RBCK1: variants seen among roughly 807,000 people sequenced by gnomAD.
RBCK1 encodes the protein RANBP2-type and C3HC4-type zinc finger containing 1.
In RBCK1, 44 loss-of-function variants were observed where a neutral mutation model predicts 71.1. That is an observed-to-expected ratio of 0.62 (90% CI 0.49 to 0.80). The LOEUF is 0.80. Among genes scored for constraint, RBCK1 ranks in the 30% least tolerant of loss-of-function variants. The probability of loss-of-function intolerance (pLI) is 0.00; values close to 1 mark genes in which losing one functional copy is unlikely to be tolerated. For synonymous variants in RBCK1, 306 were observed against 279.7 expected (o/e 1.09, Z -0.94); for missense variants, 569 against 685.0 (o/e 0.83, Z 1.89).
chr20:420,873 G>A lies in RBCK1; in HGVS notation c.759G>A (p.Arg253=), dbSNP rs1212447871. 3 of 1,551,120 alleles carry A rather than the reference G, an allele frequency of 1.9e-6. No individual in the cohort carries two copies. Among genetic ancestry groups the A allele is most frequent in the Non-Finnish European group, 2.6e-6 (3 of 1,150,040 alleles). The change falls in exon 7 of 12, where the codon CGG becomes CGA. Residue 253 remains arginine, a splice_region_variant and synonymous_variant. Transcript: ENST00000356286. ...EEEALRQYQQ[R]KQQQQEGNYL... is the part of the protein sequence containing the mutation. ...GTGGCCCCGCCCCGTGTGCCCAGCG[G>A]AAGCAGCAGCAGCAGGAGGGGAACT... is the stretch of plus-strand genomic sequence containing the variant.
intron 6 of RBCK1, chr20:420,194 G>A: frequency 1.0e-6 from 1 of 985,094 alleles, no homozygotes; most frequent in Non-Finnish European, 1.2e-6. Flanking sequence ...TCTCGGGCTG[G>A]GCCCACCCCT....
Position 419,684 on chromosome 20 carries a change from C to A in RBCK1, c.709C>A (p.Arg237=), listed in dbSNP as rs762315366. 1 of 1,577,582 alleles carries A rather than the reference C, an allele frequency of 6.3e-7. No individual in the cohort carries two copies. The highest frequency in any genetic ancestry group is 1.7e-4 in the Middle Eastern group (1 of 6,000). The part of the protein sequence containing the change: ...PASYQPDEEE[R]ARLAGEEEAL... ...CTCATACCAGCCCGACGAGGAGGAG[C>A]GAGCGCGCCTGGCGGGCGAGGAGGA... is the stretch of plus-strand genomic sequence containing the variant. Residue 237 remains arginine, a synonymous_variant, in exon 6 of 12, where the codon CGA becomes AGA. Coordinates refer to ENST00000356286, the MANE Select transcript of RBCK1 (RefSeq NM_031229.4).
In RBCK1 at chr20:429,052, C is replaced by T. The variant is rs369912362; in HGVS notation, c.1410C>T (p.Thr470=). Reference sequence around the variant, plus strand: ...GGATCCGCTGCACCGTCTGCCACACCGAGATCTGCTGGGTCACCAAGGGCC... The same window carrying T: ...GGATCCGCTGCACCGTCTGCCACACTGAGATCTGCTGGGTCACCAAGGGCC... ...CDWIRCTVCH[T]EICWVTKGPR... is the part of the protein sequence containing the mutation. Residue 470 remains threonine (T), a synonymous_variant, in exon 11 of 12, where the codon ACC becomes ACT. Coordinates refer to ENST00000356286, the MANE Select transcript of RBCK1 (RefSeq NM_031229.4). 3.1e-6 allele frequency: 5 copies of T among 1,612,922 alleles called. No individual in the cohort carries two copies. The African/African-American group carries it at 5.3e-5, about 17-fold the overall frequency.
chr20:416,824 C>A (rs1214504957), intron 2 of RBCK1, among the ~76,000 whole-genome samples: 1 of 152,120 alleles, frequency 6.6e-6, no homozygotes, highest in East Asian at 1.9e-4. Context: ...TAGTGAGACC[C>A]TGTCTCTACA....
chr20:429,173 C>T (rs2122339939), intron 11 of RBCK1, 79 bp downstream of exon 11: 3 of 1,516,910 alleles, frequency 2.0e-6, no homozygotes, highest in Non-Finnish European at 8.8e-7. Context: ...AAACTACAGC[C>T]CATGGGCCAT....
chr20:420,146 G>T lies in RBCK1; in HGVS notation c.756+415G>T, dbSNP rs182122386. Reference sequence around the variant, plus strand: ...ACCTAAGCCTGCTCCACCTCGCCGTGACCTCACCCTGGACTCTCCTACTCC... The same window carrying T: ...ACCTAAGCCTGCTCCACCTCGCCGTTACCTCACCCTGGACTCTCCTACTCC... On this transcript the variant is annotated intron_variant, in intron 6 of 11. Transcript: ENST00000356286. 1.2e-3 allele frequency: 1,135 copies of T among 984,988 alleles called. 12 individuals are homozygous for T. In the South Asian group the frequency reaches 0.02, roughly 18 times the overall value. 61.0% of individuals were successfully genotyped at this position (984,988 alleles called of 1,614,324 possible).
intron 2 of RBCK1, among the ~76,000 whole-genome samples, chr20:414,756 T>C (rs2015895454): frequency 6.6e-6 from 1 of 152,242 alleles, no homozygotes. Context: ...TGAAACCATA[T>C]GCACTTTTAT....
At position 419,597 on chromosome 20, in the gene RBCK1, C is replaced by G; in HGVS notation, c.622C>G (p.Pro208Ala). ...CCCCGGGTGCACCTTCATCAACAAG[C>G]CCACGCGGCCTGGCTGTGAGATGTG... ...QCPGCTFINK[P>A]TRPGCEMCCR... is the part of the protein sequence containing the mutation. Residue 208 changes from proline to alanine, a missense_variant, in exon 6 of 12, where the codon CCC (proline) becomes GCC (alanine). Pro to Ala is a conservative substitution (Grantham distance 27). This residue lies in a region of RBCK1 where 358 missense variants were observed against 375.6 expected (regional missense o/e 0.95). Transcript: ENST00000356286. 1 of 1,601,308 alleles carries G rather than the reference C, an allele frequency of 6.2e-7. No homozygotes were observed. Among genetic ancestry groups the G allele is most frequent in the Non-Finnish European group, 8.5e-7 (1 of 1,174,674 alleles).
intron 2 of RBCK1, among the ~76,000 whole-genome samples, chr20:416,392 C>T (rs2015996206): frequency 6.6e-6 from 1 of 151,942 alleles, no homozygotes; most frequent in Non-Finnish European, 1.5e-5. Flanking sequence ...GATCTCCTGA[C>T]CTCGTGATCC....
intron 9 of RBCK1, among the ~76,000 whole-genome samples, chr20:427,960 C>T (rs2016822166): frequency 6.6e-6 from 1 of 152,172 alleles, no homozygotes; most frequent in Non-Finnish European, 1.5e-5. Context: ...TACCACGTCT[C>T]CACCCGTGTC....
In RBCK1 at chr20:425,063, T is replaced by C. The variant is rs1430052766; in HGVS notation, c.1030-2250T>C. Among the ~76,000 whole-genome samples, 3 of 151,916 alleles carry C rather than the reference T, an allele frequency of 2.0e-5. No individual in the cohort carries two copies. In the East Asian group the frequency reaches 5.8e-4, roughly 29 times the overall value. On this transcript the variant is annotated intron_variant, in intron 8 of 11. Transcript: ENST00000356286. The stretch of plus-strand genomic sequence containing the variant: ...TCTCACTCTGTCATCCAGGCTGGAG[T>C]GCAATGGCGCGATCTCAGCCCACTG...
intron 2 of RBCK1, 134 bp downstream of exon 2, chr20:410,159 A>G (rs1034845505): frequency 1.5e-5 from 15 of 999,906 alleles, no homozygotes; most frequent in Admixed American, 1.1e-4. Context: ...TCATTAATCA[A>G]CTGTGAAATA....
chr20:409,917 C>T lies in RBCK1; in HGVS notation c.59C>T (p.Ala20Val), dbSNP rs780587700. ...GCCCTGAGCCTCACCCGAGCAGTGG[C>T]GGGCGGGGATGAACAGGTGGCAATG... ...EMALSLTRAVAGGDEQVAMKC... is the reference protein window; with the variant it reads ...EMALSLTRAVVGGDEQVAMKC... Residue 20 changes from alanine (A) to valine (V), a missense_variant, in exon 2 of 12, where the codon GCG (alanine) becomes GTG (valine). Ala to Val is a moderately conservative substitution (Grantham distance 64). Coordinates refer to ENST00000356286, the MANE Select transcript of RBCK1 (RefSeq NM_031229.4). The T allele has an allele frequency of 3.7e-5, 59 of 1,613,784 alleles. No individual in the cohort carries two copies. Among genetic ancestry groups the T allele is most frequent in the Non-Finnish European group, 4.3e-5 (51 of 1,179,960 alleles).
chr20:410,123 A>C lies in RBCK1; in HGVS notation c.167+98A>C. On this transcript the variant is annotated intron_variant, in intron 2 of 11. Transcript: ENST00000356286. ...CCTAATGGCACGTTCTGGCTTCAGG[A>C]GGCCTGGCTTCTAACCCTAGTTATG... is the stretch of plus-strand genomic sequence containing the variant. 4.3e-6 allele frequency: 6 copies of C among 1,385,574 alleles called. No homozygotes were observed. The South Asian group carries it at 5.6e-5, about 13-fold the overall frequency. The allele number at this position is 1,385,574 out of a possible 1,614,324, so 85.8% of individuals were successfully genotyped here.
In RBCK1 at chr20:421,027, T is replaced by C. The variant is rs1288748870; in HGVS notation, c.913T>C (p.Cys305Arg). Reference protein sequence around the residue: ...VVLRECLHTFCRECLQGTIRN... With the variant: ...VVLRECLHTFRRECLQGTIRN... ...GCTGCGTGAGTGTCTGCACACCTTC[T>C]GCAGGTGCGGCCCCCAGTCCCACCC... Residue 305 changes from cysteine to arginine, a missense_variant, in exon 7 of 12, where the codon TGC (cysteine) becomes CGC (arginine). This residue lies in a region of RBCK1 where 211 missense variants were observed against 309.4 expected (regional missense o/e 0.68). Transcript: ENST00000356286. 6.4e-7 allele frequency: 1 copy of C among 1,552,298 alleles called. No individual in the cohort carries two copies. Among genetic ancestry groups the C allele is most frequent in the Admixed American group, 1.9e-5 (1 of 53,570 alleles).
chr20:429,695 A>C (rs1045153967), intron 11 of RBCK1, among the ~76,000 whole-genome samples: 5 of 152,254 alleles, frequency 3.3e-5, no homozygotes, highest in African/African-American at 1.2e-4. Flanking sequence ...CTACAGAGGC[A>C]GAGGCCGTAT....
Position 428,411 on chromosome 20 carries a change from C to T in RBCK1, c.1210-80C>T. On this transcript the variant is annotated intron_variant, in intron 9 of 11. Coordinates refer to ENST00000356286, the MANE Select transcript of RBCK1 (RefSeq NM_031229.4). This position sits in a 1 kb window ranked among gnomAD's most constrained non-coding sequence, Gnocchi z 5.7. ...TAGAGGCATTAAGTGCCTTTGTGGA[C>T]TCCTGCCCTGCACCTCACCTCTCCC... 9.9e-7 allele frequency: 1 copy of T among 1,009,602 alleles called. No individual in the cohort carries two copies. Among genetic ancestry groups the T allele is most frequent in the Non-Finnish European group, 1.4e-6 (1 of 691,370 alleles). The allele number at this position is 1,009,602 out of a possible 1,614,324, so 62.5% of individuals were successfully genotyped here. A position where few individuals can be genotyped will look rare whatever the true frequency, so the allele number is the denominator to read the frequency against.
intron 6 of RBCK1, 62 bp from the exon 7 acceptor site, chr20:420,809 T>C: frequency 7.0e-7 from 1 of 1,435,600 alleles, no homozygotes; most frequent in Non-Finnish European, 9.3e-7. Flanking sequence ...CCCTTCCCCC[T>C]TCGGGGTCTG....
In RBCK1 at chr20:417,909, C is replaced by T; in HGVS notation, c.439C>T (p.Arg147Trp). The T allele has an allele frequency of 3.1e-6, 5 of 1,608,850 alleles. No homozygotes were observed. The highest frequency in any genetic ancestry group is 3.4e-6 in the Non-Finnish European group (4 of 1,179,864). ...SLNPQELQRE[R>W]QLRMLEDLGF... ...CAACCCTCAGGAGCTGCAGCGGGAG[C>T]GGCAGCTGCGGATGCTGGAAGGTGA... is the stretch of plus-strand genomic sequence containing the variant. The change falls in exon 4 of 12, where the codon CGG (arginine) becomes TGG (tryptophan). Residue 147 changes from arginine (R) to tryptophan (W), a missense_variant. Coordinates refer to ENST00000356286, the MANE Select transcript of RBCK1 (RefSeq NM_031229.4). The surrounding 1 kb of genome is among the most constrained non-coding windows in gnomAD (Gnocchi z 4.7).
Sources: allele counts gnomAD v4.1 joint callset (sites outside exome capture counted in the v4.1 genomes callset), GRCh38; gene constraint gnomAD v4.1.1; regional missense constraint gnomAD v4.1.1; non-coding constraint Gnocchi (gnomAD v3.1); transcripts MANE v1.5; gene names NCBI Gene and HGNC (gene_info 2026-07-23, HGNC 2026-07-21).